Variants in PALM2AKAP2 observed in about 807,000 individuals in gnomAD.
The protein encoded by PALM2AKAP2 is PALM2 and AKAP2 fusion.
A neutral mutation model predicts 71.5 loss-of-function variants in PALM2AKAP2; 37 were observed. That is an observed-to-expected ratio of 0.52 (90% confidence interval 0.40 to 0.68). The LOEUF (loss-of-function observed/expected upper bound fraction) is 0.68, where lower values mean the gene tolerates loss of function less well. Among genes scored for constraint, PALM2AKAP2 ranks in the 30% least tolerant of loss-of-function variants. The probability of loss-of-function intolerance (pLI) is 0.00; values close to 1 mark genes in which losing one functional copy is unlikely to be tolerated. For missense variants in PALM2AKAP2, 1,224 were observed against 1,191.8 expected, an observed-to-expected ratio of 1.03 and a Z score of -0.40; for synonymous variants, 468 against 478.8, an observed-to-expected ratio of 0.98 and a Z score of 0.29.
intron 1 of PALM2AKAP2, among the ~76,000 whole-genome samples, chr9:110,114,236 C>T (rs905278661): frequency 6.6e-6 from 1 of 152,172 alleles, no homozygotes; most frequent in African/African-American, 2.4e-5. Context: ...CAATGTGTAA[C>T]ATTTCTTGAC....
intron 1 of PALM2AKAP2, among the ~76,000 whole-genome samples, chr9:109,697,910 T>C (rs554823813): frequency 6.6e-6 from 1 of 152,334 alleles, no homozygotes; most frequent in Non-Finnish European, 1.5e-5. Flanking sequence ...ACCGCATTAA[T>C]TATGATAGAT....
At chr9:109,984,902 T>C (rs1399877717) in intron 6 of PALM2AKAP2, among the ~76,000 whole-genome samples, 1 of 151,876 alleles carries the variant, frequency 6.6e-6, no homozygotes, top group Non-Finnish European at 1.5e-5. Context: ...AGGCCGGGCG[T>C]GGTGGCTCAC....
chr9:109,648,174 T>G (rs28630620), intron 1 of PALM2AKAP2, among the ~76,000 whole-genome samples: 1,577 of 152,302 alleles, frequency 0.01, 23 homozygotes, highest in African/African-American at 0.036. Flanking sequence ...CCTTCCACCA[T>G]GATTGTAAGT....
chr9:110,141,615 A>G (rs1320311282), intron 2 of PALM2AKAP2, among the ~76,000 whole-genome samples: 1 of 152,218 alleles, frequency 6.6e-6, no homozygotes, highest in Non-Finnish European at 1.5e-5. Context: ...ATTCATGGCT[A>G]GGGTCAGAAC....
intron 1 of PALM2AKAP2, among the ~76,000 whole-genome samples, chr9:109,850,220 G>T (rs115073672): frequency 0.023 from 3,438 of 152,238 alleles, 142 homozygotes; most frequent in African/African-American, 0.079. Flanking sequence ...GTTTTTCTCA[G>T]CTCTCACCAG....
chr9:109,736,149 T>C (rs1027861028), intron 1 of PALM2AKAP2, among the ~76,000 whole-genome samples: 4 of 152,174 alleles, frequency 2.6e-5, no homozygotes, highest in African/African-American at 4.8e-5. Flanking sequence ...TAAAATCCCC[T>C]GTGTTTTTGT....
chr9:110,059,810 TG>T (rs1401265074), intron 1 of PALM2AKAP2, among the ~76,000 whole-genome samples: 2 of 152,242 alleles, frequency 1.3e-5, no homozygotes, highest in African/African-American at 4.8e-5. Context: ...TAGGGAGCTA[TG>T]GGGAATGACT....
In PALM2AKAP2 at chr9:110,085,881, C is replaced by A. The variant is rs184883848; in HGVS notation, c.156+37026C>A. ...TAGCACTTTGGGAGGCCGAGGCGGG[C>A]GGATCACCTGAGGTCAGGAGTTTGA... is the stretch of plus-strand genomic sequence containing the variant. On this transcript the variant is annotated intron_variant, in intron 1 of 3. Coordinates refer to ENST00000374525, the Ensembl canonical transcript of PALM2AKAP2. Among the ~76,000 whole-genome samples, 711 of 152,122 alleles carry A rather than the reference C, an allele frequency of 4.7e-3. 2 individuals carry two copies. The highest frequency in any genetic ancestry group is 8.3e-3 in the Non-Finnish European group (567 of 67,956).
rs149248315 is a variant in PALM2AKAP2, at chr9:109,662,975, C to A, written c.5+22109C>A. Among the ~76,000 whole-genome samples, 715 of 152,292 alleles carry A rather than the reference C, an allele frequency of 4.7e-3. 8 individuals carry two copies. The highest frequency in any genetic ancestry group is 0.016 in the African/African-American group (681 of 41,550). ...TGCGTAGAGGTGTTTATAGTATTCTCTGATGATAGCTTGTATTTTTGTGGG... is the reference window on the plus strand; with the variant it reads ...TGCGTAGAGGTGTTTATAGTATTCTATGATGATAGCTTGTATTTTTGTGGG... On this transcript the variant is annotated intron_variant, in intron 1 of 6. Transcript: ENST00000374531.
chr9:109,662,042 C>G (rs929431906), intron 1 of PALM2AKAP2, among the ~76,000 whole-genome samples: 1 of 151,788 alleles, frequency 6.6e-6, no homozygotes, highest in African/African-American at 2.4e-5. Context: ...GCTGAAGTTG[C>G]TTATCAGCTT....
chr9:110,100,191 A>G (rs1834963549), intron 1 of PALM2AKAP2, among the ~76,000 whole-genome samples: 2 of 151,580 alleles, frequency 1.3e-5, no homozygotes, highest in Non-Finnish European at 2.9e-5. Flanking sequence ...TTCAACCTTA[A>G]CCCAAGCAAA....
At chr9:110,048,741 G>T (rs1309993512) in exon 1 of PALM2AKAP2, 2 of 1,369,404 alleles carry the variant, frequency 1.5e-6, no homozygotes, top group Admixed American at 2.0e-5. Context: ...GCCTTCCCCC[G>T]GAGTCTCCTG....
intron 1 of PALM2AKAP2, chr9:109,867,117 G>A (rs7044189): frequency 0.6 from 275,482 of 456,346 alleles, 84,033 homozygotes; most frequent in Admixed American, 0.68. Context: ...GGATTGAGAC[G>A]TTTTTATTCT....
chr9:109,922,466 A>T (rs1830857837), intron 3 of PALM2AKAP2, among the ~76,000 whole-genome samples: 2 of 143,940 alleles, frequency 1.4e-5, no homozygotes, highest in Non-Finnish European at 1.5e-5. Flanking sequence ...AAGATGGAAA[A>T]GGAGGAAGGC....
At chr9:110,153,155 G>A (rs1206909368) in intron 2 of PALM2AKAP2, among the ~76,000 whole-genome samples, 3 of 152,158 alleles carry the variant, frequency 2.0e-5, no homozygotes, top group Non-Finnish European at 2.9e-5. Flanking sequence ...TCATCAATAA[G>A]CAGGAAATGT....
At chr9:110,092,457 T>C (rs74692681) in intron 1 of PALM2AKAP2, among the ~76,000 whole-genome samples, 8,739 of 152,342 alleles carry the variant, frequency 0.057, 342 homozygotes, top group Non-Finnish European at 0.089. Flanking sequence ...TAATGTATTA[T>C]ATGCTTTTTT....
chr9:110,117,872 TAGAGAG>T (rs56179548), intron 1 of PALM2AKAP2, among the ~76,000 whole-genome samples: 1 of 144,194 alleles, frequency 6.9e-6, no homozygotes, highest in African/African-American at 2.7e-5. Flanking sequence ...TATATATATA[TAGAGAG>T]AGAGAGAGAG....
intron 1 of PALM2AKAP2, among the ~76,000 whole-genome samples, chr9:110,079,361 C>T (rs535685923): frequency 3.9e-5 from 6 of 152,066 alleles, no homozygotes; most frequent in African/African-American, 1.4e-4. Flanking sequence ...CCAAGCATGG[C>T]GGTGCATGCC....
intron 6 of PALM2AKAP2, among the ~76,000 whole-genome samples, chr9:110,011,902 A>G (rs115245118): frequency 0.01 from 1,564 of 152,096 alleles, 26 homozygotes; most frequent in African/African-American, 0.036. Context: ...CTGGTGTAGA[A>G]CAGATCTCCA....
Sources: gnomAD v4.1 joint callset for allele counts (sites outside exome capture counted in the v4.1 genomes callset) on GRCh38, gnomAD v4.1.1 for gene constraint, MANE v1.5 for transcripts, NCBI Gene and HGNC (gene_info 2026-07-23, HGNC 2026-07-21) for gene names.